ANO4: variants seen among roughly 807,000 people sequenced by gnomAD.
ANO4 encodes the protein anoctamin-4.
Under a neutral mutation model 141.9 loss-of-function variants are expected in ANO4, and 69 were observed. The ratio of observed to expected loss-of-function variants is 0.49; its 90% CI spans 0.40 to 0.59. The LOEUF (loss-of-function observed/expected upper bound fraction) is 0.59, where lower values mean the gene tolerates loss of function less well. Among genes scored for constraint, ANO4 ranks in the 20% least tolerant of loss-of-function variants. The pLI, the probability that ANO4 is intolerant of heterozygous loss-of-function variation, is 0.00. For missense variants in ANO4, 894 were observed against 1,162.2 expected, an observed-to-expected ratio of 0.77 and a Z score of 3.36; for synonymous variants, 350 against 394.3, an observed-to-expected ratio of 0.89 and a Z score of 1.33.
rs559050716 is a variant in ANO4, at chr12:100,759,764, C to A, written c.358+19659C>A. Reference sequence around the variant, plus strand: ...ATTTTGAGCCCGTTTCCCCATGGAACACCCAGTGTCTATTGCTAACCTGTT... The same window carrying A: ...ATTTTGAGCCCGTTTCCCCATGGAAAACCCAGTGTCTATTGCTAACCTGTT... On this transcript the variant is annotated intron_variant, in intron 3 of 29. Coordinates refer to the ANO4 transcript ENST00000644049. Among the ~76,000 whole-genome samples, 3 of 152,334 alleles carry A rather than the reference C, an allele frequency of 2.0e-5. No homozygotes were observed. In the East Asian group the frequency reaches 5.8e-4, roughly 29 times the overall value.
chr12:101,083,557 T>G, intron 15 of ANO4, 121 bp from the exon 16 acceptor site: 2 of 1,231,954 alleles, frequency 1.6e-6, no homozygotes, highest in Non-Finnish European at 2.2e-6. Flanking sequence ...ACCCACTTCA[T>G]TGGTTGACTA....
intron 1 of ANO4, among the ~76,000 whole-genome samples, chr12:100,879,514 C>T (rs541886980): frequency 1.3e-5 from 2 of 152,234 alleles, no homozygotes; most frequent in African/African-American, 2.4e-5. Flanking sequence ...TATTTCAGCA[C>T]CTAGCCCAGT....
At chr12:100,962,481 A>C (rs7972203) in intron 5 of ANO4, among the ~76,000 whole-genome samples, 25,376 of 152,164 alleles carry the variant, frequency 0.17, 2,440 homozygotes, top group East Asian at 0.42. Context: ...TTATGCTCCC[A>C]CAGTCTCTGT....
At chr12:100,965,258 A>AT (rs562499431) in intron 5 of ANO4, among the ~76,000 whole-genome samples, 2 of 151,218 alleles carry the variant, frequency 1.3e-5, no homozygotes, top group African/African-American at 2.4e-5. Context: ...TAGGCACGGG[A>AT]TTTTTTTTTC....
rs3059281 is a variant in ANO4, at chr12:100,926,602, T to TTGTGTG, written c.160+4294_160+4299dup. Among the ~76,000 whole-genome samples the TTGTGTG allele has an allele frequency of 6.1e-3, 907 of 147,500 alleles. 9 individuals are homozygous for TTGTGTG. Among genetic ancestry groups the TTGTGTG allele is most frequent in the African/African-American group, 0.021 (859 of 40,350 alleles). Reference sequence around the variant, plus strand: ...ATGTGAAAGTATAACAAGGGTGTGTTTGTGTGTGTGTGTGTGTGTGTGTGT... The same window carrying TTGTGTG: ...ATGTGAAAGTATAACAAGGGTGTGTTTGTGTGTGTGTGTGTGTGTGTGTGTGTGTGT... On this transcript the variant is annotated intron_variant, in intron 3 of 27. Coordinates refer to ENST00000392977, the MANE Select transcript of ANO4 (RefSeq NM_001286615.2).
intron 9 of ANO4, among the ~76,000 whole-genome samples, chr12:101,034,061 A>G (rs572107870): frequency 1.3e-5 from 2 of 152,334 alleles, no homozygotes; most frequent in East Asian, 1.9e-4. Context: ...TACCCCAGCC[A>G]TTGTGGAAGA....
intron 3 of ANO4, among the ~76,000 whole-genome samples, chr12:100,777,025 T>G (rs915835191): frequency 5.9e-5 from 9 of 152,146 alleles, no homozygotes; most frequent in African/African-American, 1.9e-4. Flanking sequence ...GTCTTCATTT[T>G]TACAGCTAAG....
Position 101,083,862 on chromosome 12 carries a change from C to A in ANO4, c.1536+44C>A, listed in dbSNP as rs763388332. 4.7e-6 allele frequency: 7 copies of A among 1,474,942 alleles called. No individual in the cohort carries two copies. The Admixed American group carries it at 1.0e-4, about 21-fold the overall frequency. 91.4% of individuals were successfully genotyped at this position (1,474,942 alleles called of 1,614,324 possible). On this transcript the variant is annotated intron_variant, in intron 16 of 27. Coordinates refer to ENST00000392977, the MANE Select transcript of ANO4 (RefSeq NM_001286615.2). ...AATATTTGTTTCATAAAATACAAAC[C>A]TATAGCATAATAACAGTAATCATAT... is the stretch of plus-strand genomic sequence containing the variant.
intron 3 of ANO4, among the ~76,000 whole-genome samples, chr12:100,745,562 G>T (rs2032065096): frequency 6.6e-6 from 1 of 152,180 alleles, no homozygotes; most frequent in South Asian, 2.1e-4. Flanking sequence ...CAGTTGAAGA[G>T]AGAACTAGGC....
chr12:101,000,937 G>A (rs1174278608), intron 8 of ANO4, among the ~76,000 whole-genome samples: 3 of 152,086 alleles, frequency 2.0e-5, no homozygotes, highest in Admixed American at 2.0e-4. Context: ...TTGTTTTTCT[G>A]CTTATCAGTT....
At chr12:100,762,968 A>G (rs1415771120) in intron 3 of ANO4, among the ~76,000 whole-genome samples, 1 of 152,162 alleles carries the variant, frequency 6.6e-6, no homozygotes, top group Non-Finnish European at 1.5e-5. Flanking sequence ...CTTTTGAAGT[A>G]CTAGATGAGA....
chr12:100,828,979 C>G (rs2036501548), intron 1 of ANO4, among the ~76,000 whole-genome samples: 1 of 151,468 alleles, frequency 6.6e-6, no homozygotes, highest in South Asian at 2.1e-4. Context: ...GAGATTGTGC[C>G]ACTGCACTCC....
At chr12:100,831,976 A>G (rs146103773) in intron 1 of ANO4, among the ~76,000 whole-genome samples, 1 of 152,236 alleles carries the variant, frequency 6.6e-6, no homozygotes, top group Non-Finnish European at 1.5e-5. Flanking sequence ...GCGGGCTGGT[A>G]CCGTCTTTAT....
chr12:100,944,557 AAT>A (rs2042645602), intron 5 of ANO4, among the ~76,000 whole-genome samples: 2 of 151,270 alleles, frequency 1.3e-5, no homozygotes, highest in Admixed American at 6.6e-5. Flanking sequence ...TTTCCTCCAC[AAT>A]CTTTTAGACA....
At chr12:100,941,248 A>G (rs867247006) in intron 4 of ANO4, among the ~76,000 whole-genome samples, 1 of 151,968 alleles carries the variant, frequency 6.6e-6, no homozygotes. Flanking sequence ...GAACTAGAAT[A>G]TTCCTAAAAC....
chr12:101,079,465 T>G (rs73156642), intron 15 of ANO4, among the ~76,000 whole-genome samples, 190 bp downstream of exon 15: 13,090 of 152,294 alleles, frequency 0.086, 693 homozygotes, highest in South Asian at 0.14. Context: ...TTTTGATTCC[T>G]TAGTGGAATC....
intron 1 of ANO4, among the ~76,000 whole-genome samples, chr12:100,719,656 A>G (rs2030771879): frequency 6.6e-6 from 1 of 152,222 alleles, no homozygotes; most frequent in Non-Finnish European, 1.5e-5. Flanking sequence ...TGCCAAGAGA[A>G]TGAACAGTTA....
At chr12:100,751,250 A>G (rs1268455862) in intron 3 of ANO4, among the ~76,000 whole-genome samples, 1 of 152,082 alleles carries the variant, frequency 6.6e-6, no homozygotes, top group Non-Finnish European at 1.5e-5. Flanking sequence ...ATGGAAGTGA[A>G]GTGTTTAGAA....
At chr12:100,958,045 C>G (rs1347656692) in intron 5 of ANO4, among the ~76,000 whole-genome samples, 1 of 152,116 alleles carries the variant, frequency 6.6e-6, no homozygotes, top group Non-Finnish European at 1.5e-5. Context: ...TCCCTCATTA[C>G]TTAGCTTTGA....
Sources: gnomAD v4.1 joint callset for allele counts (sites outside exome capture counted in the v4.1 genomes callset) on GRCh38, gnomAD v4.1.1 for gene constraint, MANE v1.5 for transcripts, NCBI Gene and HGNC (gene_info 2026-07-23, HGNC 2026-07-21) for gene names.